Variants in RAB28 observed in about 807,000 individuals in gnomAD.
The protein encoded by RAB28 is RAB28, member RAS oncogene family.
Under a neutral mutation model 31.7 loss-of-function variants are expected in RAB28, and 24 were observed. That is an observed-to-expected ratio of 0.76 (90% confidence interval 0.55 to 1.06). The LOEUF (loss-of-function observed/expected upper bound fraction) is 1.06, where lower values mean the gene tolerates loss of function less well. RAB28 is among the 50% of genes least tolerant of loss of function. RAB28 has a pLI of 0.00. For synonymous variants in RAB28, 100 were observed against 90.4 expected, an observed-to-expected ratio of 1.11 and a Z score of -0.60; for missense variants, 254 against 258.5, an observed-to-expected ratio of 0.98 and a Z score of 0.12.
At chr4:13,426,311 T>G (rs1472439993) in intron 4 of RAB28, among the ~76,000 whole-genome samples, 1 of 152,154 alleles carries the variant, frequency 6.6e-6, no homozygotes, top group African/African-American at 2.4e-5. Context: ...TCCAATTTTA[T>G]AAGCTTCACA....
intron 4 of RAB28, among the ~76,000 whole-genome samples, chr4:13,438,126 T>C (rs570810211): frequency 6.6e-6 from 1 of 152,210 alleles, no homozygotes; most frequent in Admixed American, 6.5e-5. Flanking sequence ...GATCTTCGAG[T>C]TTCGTATGCA....
chr4:13,440,130 T>C (rs73819862), intron 4 of RAB28, among the ~76,000 whole-genome samples: 6,593 of 152,282 alleles, frequency 0.043, 269 homozygotes, highest in African/African-American at 0.11. Flanking sequence ...GACTGAAAGA[T>C]TGTAACAATA....
intron 4 of RAB28, among the ~76,000 whole-genome samples, chr4:13,448,193 G>C (rs902359938): frequency 2.6e-5 from 4 of 151,822 alleles, no homozygotes; most frequent in Non-Finnish European, 4.4e-5. Context: ...TTATTAAAGG[G>C]GCTTAAATTA....
chr4:13,419,581 C>G (rs1378515011), intron 4 of RAB28, among the ~76,000 whole-genome samples: 1 of 152,188 alleles, frequency 6.6e-6, no homozygotes, highest in African/African-American at 2.4e-5. Context: ...CAAATTAGAA[C>G]TCAGGATTAA....
At chr4:13,411,136 T>A (rs1240912833) in intron 4 of RAB28, among the ~76,000 whole-genome samples, 1 of 152,112 alleles carries the variant, frequency 6.6e-6, no homozygotes, top group Non-Finnish European at 1.5e-5. Flanking sequence ...ACTATCAGAT[T>A]TTTTTCATTT....
At chr4:13,430,166 A>T (rs1713733202) in intron 4 of RAB28, among the ~76,000 whole-genome samples, 1 of 152,090 alleles carries the variant, frequency 6.6e-6, no homozygotes, top group South Asian at 2.1e-4. Context: ...ACATCATATT[A>T]AAAAAAATTT....
At chr4:13,408,188 C>T (rs549269896) in intron 4 of RAB28, among the ~76,000 whole-genome samples, 202 of 152,250 alleles carry the variant, frequency 1.3e-3, no homozygotes, top group African/African-American at 4.6e-3. Flanking sequence ...TACCTTCCAT[C>T]AGTACCTTGT....
chr4:13,457,993 A>G (rs191544904), intron 4 of RAB28, among the ~76,000 whole-genome samples: 30 of 152,310 alleles, frequency 2.0e-4, no homozygotes, highest in Admixed American at 1.5e-3. Context: ...ATATAAGCCA[A>G]CGCTTTGTAT....
intron 4 of RAB28, among the ~76,000 whole-genome samples, chr4:13,424,822 A>C (rs1343766090): frequency 6.6e-6 from 1 of 151,952 alleles, no homozygotes; most frequent in Admixed American, 6.6e-5. Flanking sequence ...AGCAATTCTA[A>C]CCTCTCTCTC....
intron 4 of RAB28, among the ~76,000 whole-genome samples, chr4:13,430,966 TC>T (rs890372523): frequency 4.6e-5 from 7 of 152,070 alleles, no homozygotes; most frequent in African/African-American, 1.7e-4. Flanking sequence ...TCTCCTGGCC[TC>T]CCCCAGTACA....
intron 6 of RAB28, chr4:13,370,073 A>G: frequency 1.4e-6 from 2 of 1,451,190 alleles, no homozygotes; most frequent in Non-Finnish European, 1.8e-6. Context: ...ACACCAAAGT[A>G]GAAAAATAAA....
At chr4:13,416,573 G>A (rs1712793096) in intron 4 of RAB28, among the ~76,000 whole-genome samples, 1 of 152,174 alleles carries the variant, frequency 6.6e-6, no homozygotes, top group Admixed American at 6.5e-5. Context: ...CAATATAATG[G>A]ATGATTCCAT....
chr4:13,407,524 T>C (rs1288391205), intron 4 of RAB28, among the ~76,000 whole-genome samples: 1 of 152,176 alleles, frequency 6.6e-6, no homozygotes, highest in Non-Finnish European at 1.5e-5. Flanking sequence ...TTTAAAGTAG[T>C]TTTTTTCTAA....
chr4:13,392,312 C>T (rs1339313618), intron 4 of RAB28, among the ~76,000 whole-genome samples: 1 of 152,028 alleles, frequency 6.6e-6, no homozygotes, highest in Non-Finnish European at 1.5e-5. Context: ...ATTAAAATTA[C>T]ATTATATCAA....
chr4:13,440,597 C>T (rs1349910836), intron 4 of RAB28, among the ~76,000 whole-genome samples: 1 of 151,838 alleles, frequency 6.6e-6, no homozygotes, highest in Non-Finnish European at 1.5e-5. Flanking sequence ...AAAGTATTAC[C>T]TTTCTACATG....
At chr4:13,369,433 C>A (rs940463196) in intron 6 of RAB28, among the ~76,000 whole-genome samples, 1 of 152,072 alleles carries the variant, frequency 6.6e-6, no homozygotes, top group Non-Finnish European at 1.5e-5. Context: ...CTAAGTAATA[C>A]TTTAAAACAA....
At chr4:13,456,496 A>T (rs1044782948) in intron 4 of RAB28, among the ~76,000 whole-genome samples, 1 of 152,204 alleles carries the variant, frequency 6.6e-6, no homozygotes, top group African/African-American at 2.4e-5. Flanking sequence ...ATCCAACATA[A>T]ACTATTACCC....
At chr4:13,461,434 T>C (rs976960696) in intron 3 of RAB28, among the ~76,000 whole-genome samples, 11 of 152,170 alleles carry the variant, frequency 7.2e-5, no homozygotes, top group African/African-American at 2.7e-4. Flanking sequence ...CCATCTCCTT[T>C]CCAGAGTAAA....
At chr4:13,418,692 A>C (rs1056706133) in intron 4 of RAB28, among the ~76,000 whole-genome samples, 3 of 152,220 alleles carry the variant, frequency 2.0e-5, no homozygotes, top group Admixed American at 2.0e-4. Context: ...CTTTACAGTC[A>C]AGCAAATGCT....
Sources: allele counts gnomAD v4.1 joint callset (sites outside exome capture counted in the v4.1 genomes callset), GRCh38; gene constraint gnomAD v4.1.1; transcripts MANE v1.5; gene names NCBI Gene and HGNC (gene_info 2026-07-23, HGNC 2026-07-21).